KIF7: variants seen among roughly 807,000 people sequenced by gnomAD.
KIF7 encodes kinesin-like protein KIF7.
A neutral mutation model predicts 135.7 loss-of-function variants in KIF7; 104 were observed. The ratio of observed to expected loss-of-function variants is 0.77; its 90% CI spans 0.65 to 0.90. The LOEUF is 0.90. KIF7 is among the 40% of genes least tolerant of loss of function. KIF7 has a pLI of 0.00. For synonymous variants in KIF7, 883 were observed against 809.4 expected (o/e 1.09, Z -1.54); for missense variants, 2,005 against 1,839.1 (o/e 1.09, Z -1.65).
chr15:89,656,943 G>C (rs578210604), upstream of KIF7, among the ~76,000 whole-genome samples: 1 of 152,262 alleles, frequency 6.6e-6, no homozygotes, highest in African/African-American at 2.4e-5. Flanking sequence ...GCTGAAAACT[G>C]AACTTGGATT....
downstream of KIF7, chr15:89,624,123 C>T (rs1463988798): frequency 7.4e-6 from 12 of 1,613,940 alleles, no homozygotes; most frequent in Non-Finnish European, 1.0e-5. Context: ...AGCCCCATGT[C>T]CTCAGAGCTG....
chr15:89,641,015 A>C (rs1182280096), intron 11 of KIF7, among the ~76,000 whole-genome samples: 1 of 152,088 alleles, frequency 6.6e-6, no homozygotes, highest in Non-Finnish European at 1.5e-5. Flanking sequence ...AAAATAAAAA[A>C]TGAAAACAAC....
At chr15:89,631,154 G>A in intron 15 of KIF7, 1 of 317,276 alleles carries the variant, frequency 3.2e-6, no homozygotes, top group Non-Finnish European at 5.9e-6. Context: ...ACAGATGTGT[G>A]GGCATGAGGT....
At chr15:89,623,513 A>C (rs1018336022), downstream of KIF7, 16 of 1,136,380 alleles carry the variant, frequency 1.4e-5, no homozygotes, top group African/African-American at 1.6e-4. Context: ...TCTTTAGATC[A>C]TTCCTTTGGC....
rs147772494 is a variant in KIF7 at position 89,628,466 on chromosome 15, G to A, written c.3985C>T (p.Arg1329Ter). ...TCAATCATCCCCGGGCTGGCTCGTC[G>A]CAGTTCCCGCCGGGGCTTGGACAAA... ...GPLSKPRREL[R>*]RASPGMIDVR... Residue 1329 changes from arginine to a stop codon, truncating the protein, a stop_gained, in exon 19 of 19, where the codon CGA (arginine) becomes TGA (stop). Coordinates refer to ENST00000394412, the MANE Select transcript of KIF7 (RefSeq NM_198525.3). LOFTEE classifies it high-confidence loss of function. 2.8e-5 allele frequency: 45 copies of A among 1,609,930 alleles called. No individual in the cohort carries two copies. Among genetic ancestry groups the A allele is most frequent in the African/African-American group, 2.1e-4 (16 of 74,850 alleles).
chr15:89,647,307 C>G (rs2142025816), intron 6 of KIF7, among the ~76,000 whole-genome samples: 1 of 152,284 alleles, frequency 6.6e-6, no homozygotes, highest in Admixed American at 6.5e-5. Flanking sequence ...AGGAGCAATG[C>G]TGACCTGGTG....
chr15:89,630,698 G>T (rs1024018100), intron 15 of KIF7: 1 of 622,416 alleles, frequency 1.6e-6, no homozygotes, highest in Non-Finnish European at 2.9e-6. Flanking sequence ...CTGCTCAGAG[G>T]TGGCCTGCTC....
Position 89,652,968 on chromosome 15 carries a change from G to A in KIF7, c.-24-14C>T. ...CTGCTCTGGGCCCTGTGGAGAGAGAGAGAAGCCCTGGCCATCAGCACTTGT... is the reference window on the plus strand; with the variant it reads ...CTGCTCTGGGCCCTGTGGAGAGAGAAAGAAGCCCTGGCCATCAGCACTTGT... On this transcript the variant is annotated splice_polypyrimidine_tract_variant and intron_variant, in intron 1 of 18. Transcript: ENST00000394412. 6.9e-7 allele frequency: 1 copy of A among 1,457,188 alleles called. No individual in the cohort carries two copies. The highest frequency in any genetic ancestry group is 9.1e-7 in the Non-Finnish European group (1 of 1,102,374). The allele number at this position is 1,457,188 out of a possible 1,614,324, so 90.3% of individuals were successfully genotyped here. A position where few individuals can be genotyped will look rare whatever the true frequency, so the allele number is the denominator to read the frequency against.
chr15:89,627,347 G>A (rs1242475075), downstream of KIF7: 5 of 431,006 alleles, frequency 1.2e-5, no homozygotes, highest in Non-Finnish European at 2.1e-5. Context: ...CAGGAACCCA[G>A]ACAAGGAATC....
At chr15:89,632,103 G>A (rs117327120) in intron 14 of KIF7, among the ~76,000 whole-genome samples, 2,028 of 152,326 alleles carry the variant, frequency 0.013, 32 homozygotes, top group Middle Eastern at 0.024. Flanking sequence ...CTCTCCTGGC[G>A]GAGGGAAGTT....
downstream of KIF7, chr15:89,624,637 C>T (rs1963482750): frequency 6.2e-7 from 1 of 1,613,914 alleles, no homozygotes; most frequent in South Asian, 1.1e-5. Flanking sequence ...CTACCCAGGC[C>T]CTGGTCTCAG....
At chr15:89,626,116 C>G, downstream of KIF7, 1 of 1,588,824 alleles carries the variant, frequency 6.3e-7, no homozygotes, top group East Asian at 2.3e-5. Context: ...TCTGAATTCA[C>G]CAGGGTTGCC....
intron 13 of KIF7, 50 bp downstream of exon 13, chr15:89,633,091 A>C (rs2142001072): frequency 6.2e-7 from 1 of 1,600,474 alleles, no homozygotes; most frequent in African/African-American, 1.3e-5. Flanking sequence ...AGGTGCACCC[A>C]CCAGCCAGCC....
chr15:89,648,763 T>C lies in KIF7; in HGVS notation c.935A>G (p.Asp312Gly). 2 of 1,533,604 alleles carry C rather than the reference T, an allele frequency of 1.3e-6. No individual in the cohort carries two copies. The highest frequency in any genetic ancestry group is 1.7e-6 in the Non-Finnish European group (2 of 1,144,616). 95.0% of individuals were successfully genotyped at this position (1,533,604 alleles called of 1,614,324 possible). ...RDSKITRILKDSLGGNAKTVM... is the reference protein window; with the variant it reads ...RDSKITRILKGSLGGNAKTVM... ...CGTCTTGGCGTTCCCGCCCAGCGAG[T>C]CTTTGAGGATCCTGAGGGCGCGAGG... The change falls in exon 5 of 19, where the codon GAC becomes GGC. Residue 312 changes from aspartate to glycine, a missense_variant. Transcript: ENST00000394412.
At position 89,628,219 on chromosome 15, in the gene KIF7, G is replaced by C. The variant is rs1411888713; in HGVS notation, c.*200C>G. The stretch of plus-strand genomic sequence containing the variant: ...CACAGCTTCATGGAAGTAAGTGGTG[G>C]GAATTTGCATATTATTTTGTTAAAT... On this transcript the variant is annotated 3_prime_UTR_variant, in exon 19 of 19. Transcript: ENST00000394412. 2 of 576,170 alleles carry C rather than the reference G, an allele frequency of 3.5e-6. No individual in the cohort carries two copies. The highest frequency in any genetic ancestry group is 5.9e-6 in the Non-Finnish European group (2 of 337,778). 35.7% of individuals were successfully genotyped at this position (576,170 alleles called of 1,614,324 possible).
Position 89,639,046 on chromosome 15 carries a change from T to G in KIF7, c.2394+3157A>C, listed in dbSNP as rs1477815570. On this transcript the variant is annotated intron_variant, in intron 11 of 18. Transcript: ENST00000394412. Reference sequence around the variant, plus strand: ...CCTGAGAAAAGCAATGGGGAAAGGATTCCCTATTTAATAAATGGTGCTGGG... The same window carrying G: ...CCTGAGAAAAGCAATGGGGAAAGGAGTCCCTATTTAATAAATGGTGCTGGG... 2.0e-5 allele frequency among the ~76,000 whole-genome samples: 3 copies of G among 152,076 alleles called. No homozygotes were observed. In the East Asian group the frequency reaches 5.8e-4, roughly 29 times the overall value.
At chr15:89,632,747 G>C (rs1963706926) in intron 14 of KIF7, 73 bp downstream of exon 14, 1 of 1,511,556 alleles carries the variant, frequency 6.6e-7, no homozygotes, top group African/African-American at 1.4e-5. Context: ...GAGCTCACCT[G>C]GCAAGATCTG....
chr15:89,628,337 G>T lies in KIF7; in HGVS notation c.*82C>A. ...GGATTTAGGGTGTGCGGTAAGGACTGCCCTTCACAGAAGCAAAACAGGCAG... is the reference window on the plus strand; with the variant it reads ...GGATTTAGGGTGTGCGGTAAGGACTTCCCTTCACAGAAGCAAAACAGGCAG... On this transcript the variant is annotated 3_prime_UTR_variant, in exon 19 of 19. Transcript: ENST00000394412. The T allele has an allele frequency of 6.6e-7, 1 of 1,511,912 alleles. No homozygotes were observed. The allele number at this position is 1,511,912 out of a possible 1,614,324, so 93.7% of individuals were successfully genotyped here.
At chr15:89,618,149 G>T in exon 2 of KIF7, 1 of 1,614,042 alleles carries the variant, frequency 6.2e-7, no homozygotes, top group African/African-American at 1.3e-5. Context: ...GTGGTTCCTC[G>T]AGGTCCTCTG....
Sources: gnomAD v4.1 joint callset for allele counts (sites outside exome capture counted in the v4.1 genomes callset) on GRCh38, gnomAD v4.1.1 for gene constraint, MANE v1.5 for transcripts, NCBI Gene and HGNC (gene_info 2026-07-23, HGNC 2026-07-21) for gene names.